Variants in EPB41L4A observed in about 807,000 individuals in gnomAD.
EPB41L4A encodes band 4.1-like protein 4A.
A neutral mutation model predicts 108.6 loss-of-function variants in EPB41L4A; 100 were observed. The observed-to-expected ratio is 0.92, with a 90% CI of 0.78 to 1.09. The LOEUF (loss-of-function observed/expected upper bound fraction) is 1.09, where lower values mean the gene tolerates loss of function less well. EPB41L4A is among the 50% of genes least tolerant of loss of function. EPB41L4A has a pLI of 0.00. For missense variants in EPB41L4A, 1,030 were observed against 842.7 expected (o/e 1.22, Z -2.75); for synonymous variants, 319 against 289.0 (o/e 1.10, Z -1.05).
intron 15 of EPB41L4A, 35 bp downstream of exon 15, chr5:112,204,340 G>C (rs1233766117): frequency 7.0e-7 from 1 of 1,436,884 alleles, no homozygotes; most frequent in Non-Finnish European, 9.8e-7. Flanking sequence ...TGCTTCTGTT[G>C]AAAGCTGCTA....
At chr5:112,226,636 G>A (rs1055097245) in intron 12 of EPB41L4A, among the ~76,000 whole-genome samples, 1 of 152,038 alleles carries the variant, frequency 6.6e-6, no homozygotes, top group Admixed American at 6.6e-5. Flanking sequence ...AATCCCAAGA[G>A]GGCTGGAGAG....
At chr5:112,381,330 C>G (rs932525408) in intron 1 of EPB41L4A, among the ~76,000 whole-genome samples, 3 of 152,156 alleles carry the variant, frequency 2.0e-5, no homozygotes, top group African/African-American at 7.2e-5. Flanking sequence ...TCATTGACTG[C>G]CTAGTATGAG....
At chr5:112,161,522 A>C (rs1378495757), downstream of EPB41L4A, 2 of 519,098 alleles carry the variant, frequency 3.9e-6, no homozygotes, top group Non-Finnish European at 7.7e-6. Flanking sequence ...AAACTAGTGA[A>C]TGTGGTGTCA....
At chr5:112,219,976 A>T (rs1352742011) in intron 12 of EPB41L4A, among the ~76,000 whole-genome samples, 1 of 152,226 alleles carries the variant, frequency 6.6e-6, no homozygotes, top group Non-Finnish European at 1.5e-5. Context: ...GATTACAGGC[A>T]TCAGCCACTG....
At chr5:112,272,333 G>C (rs1034383378) in intron 4 of EPB41L4A, among the ~76,000 whole-genome samples, 1 of 151,520 alleles carries the variant, frequency 6.6e-6, no homozygotes, top group African/African-American at 2.4e-5. Flanking sequence ...AGTAGAGACG[G>C]GGTTTCACTG....
intron 1 of EPB41L4A, among the ~76,000 whole-genome samples, chr5:112,328,317 T>TA (rs1013976855): frequency 3.3e-5 from 5 of 151,912 alleles, no homozygotes; most frequent in Non-Finnish European, 7.4e-5. Flanking sequence ...ACAAAAAAAA[T>TA]AAAAAATCTT....
intron 21 of EPB41L4A, 62 bp downstream of exon 21, chr5:112,168,933 C>G: frequency 6.6e-7 from 1 of 1,504,732 alleles, no homozygotes; most frequent in Non-Finnish European, 9.3e-7. Context: ...AAGTAAAGTT[C>G]TTTTAGACTG....
chr5:112,182,940 G>A (rs1281609778), intron 18 of EPB41L4A, among the ~76,000 whole-genome samples: 2 of 152,144 alleles, frequency 1.3e-5, no homozygotes, highest in Non-Finnish European at 2.9e-5. Context: ...ACATGGTGTA[G>A]TGACTATTTG....
intron 1 of EPB41L4A, among the ~76,000 whole-genome samples, chr5:112,327,609 T>C (rs556434493): frequency 6.6e-6 from 1 of 152,090 alleles, no homozygotes; most frequent in Non-Finnish European, 1.5e-5. Context: ...CTAACTACTC[T>C]GGAGGCTGGG....
rs78752070 is a variant in EPB41L4A, at chr5:112,156,665, C to G, written n.994+1736G>C. On this transcript the variant is annotated intron_variant and non_coding_transcript_variant, in intron 12 of 13. Coordinates refer to the EPB41L4A transcript ENST00000507810. ...GCTAGATGGCTGAAGATCCTGTGATCCAGAGTTGATACATAAAATCGACTA... is the reference window on the plus strand; with the variant it reads ...GCTAGATGGCTGAAGATCCTGTGATGCAGAGTTGATACATAAAATCGACTA... Among the ~76,000 whole-genome samples, 744 of 152,224 alleles carry G rather than the reference C, an allele frequency of 4.9e-3. 7 individuals carry two copies. Among genetic ancestry groups the G allele is most frequent in the Admixed American group, 0.012 (185 of 15,278 alleles).
At chr5:112,222,076 G>A (rs1443220827) in intron 12 of EPB41L4A, among the ~76,000 whole-genome samples, 2 of 152,066 alleles carry the variant, frequency 1.3e-5, no homozygotes, top group Non-Finnish European at 2.9e-5. Context: ...CTCTCTCTTG[G>A]CTAGGTAAGA....
chr5:112,393,731 C>T (rs1761120797), intron 1 of EPB41L4A, among the ~76,000 whole-genome samples: 1 of 152,184 alleles, frequency 6.6e-6, no homozygotes, highest in African/African-American at 2.4e-5. Context: ...TCCTCCCTAA[C>T]TCATTTTATG....
At chr5:112,338,753 A>G (rs1757079969) in intron 1 of EPB41L4A, among the ~76,000 whole-genome samples, 3 of 152,162 alleles carry the variant, frequency 2.0e-5, no homozygotes, top group Admixed American at 2.0e-4. Flanking sequence ...GCCAAATCTG[A>G]GTCACTGCCT....
intron 3 of EPB41L4A, among the ~76,000 whole-genome samples, 185 bp downstream of exon 3, chr5:112,280,087 A>C (rs1253929127): frequency 1.3e-5 from 2 of 152,342 alleles, no homozygotes; most frequent in Non-Finnish European, 2.9e-5. Flanking sequence ...AAACTGATTA[A>C]ATTTAATCTG....
intron 2 of EPB41L4A, among the ~76,000 whole-genome samples, chr5:112,285,877 G>A (rs1486533652): frequency 1.3e-5 from 2 of 152,050 alleles, no homozygotes; most frequent in Admixed American, 1.3e-4. Context: ...ATAACTCTAG[G>A]AAGAACTATT....
intron 1 of EPB41L4A, among the ~76,000 whole-genome samples, chr5:112,382,859 G>C (rs1561627628): frequency 6.6e-6 from 1 of 152,086 alleles, no homozygotes; most frequent in African/African-American, 2.4e-5. Flanking sequence ...GGCAATCACT[G>C]CATCTATTAT....
chr5:112,262,384 C>A, intron 7 of EPB41L4A, 110 bp downstream of exon 7: 1 of 833,110 alleles, frequency 1.2e-6, no homozygotes, highest in Non-Finnish European at 2.0e-6. Flanking sequence ...AAAAAAGTAT[C>A]ATCTGCTTGC....
downstream of EPB41L4A, chr5:112,161,159 T>C (rs1759874297): frequency 2.0e-5 from 4 of 197,154 alleles, no homozygotes; most frequent in African/African-American, 9.5e-5. Context: ...GGTTTTATTT[T>C]CGTCAGTGAA....
rs191420360 is a variant in EPB41L4A at position 112,189,735 on chromosome 5, A to G, written c.1502+4833T>C. Among the ~76,000 whole-genome samples, 27 of 152,290 alleles carry G rather than the reference A, an allele frequency of 1.8e-4. 1 individual carries two copies. Among genetic ancestry groups the G allele is most frequent in the African/African-American group, 6.5e-4 (27 of 41,554 alleles). On this transcript the variant is annotated intron_variant, in intron 17 of 22. Transcript: ENST00000261486. ...CCACTCCTCCACATCTCCCACTTCC[A>G]AACTTCTAAGAGCCTAGAAACACAT...
Sources: gnomAD v4.1 joint callset for allele counts (sites outside exome capture counted in the v4.1 genomes callset) on GRCh38, gnomAD v4.1.1 for gene constraint, MANE v1.5 for transcripts, NCBI Gene and HGNC (gene_info 2026-07-23, HGNC 2026-07-21) for gene names.